Variants in SETD3 observed in about 807,000 individuals in gnomAD.
SETD3 encodes the protein actin-histidine N-methyltransferase.
A neutral mutation model predicts 63.0 loss-of-function variants in SETD3; 19 were observed. That is an observed-to-expected ratio of 0.30 (90% CI 0.21 to 0.44). The LOEUF is 0.44. Among genes scored for constraint, SETD3 ranks in the 20% least tolerant of loss-of-function variants. SETD3 has a pLI of 1.00. For missense variants in SETD3, 587 were observed against 728.5 expected (o/e 0.81, Z 2.24); for synonymous variants, 286 against 264.1 (o/e 1.08, Z -0.80).
intron 6 of SETD3, among the ~76,000 whole-genome samples, chr14:99,438,415 G>A (rs1205960753): frequency 2.0e-5 from 3 of 152,170 alleles, no homozygotes; most frequent in African/African-American, 7.2e-5. Context: ...GATTACCTGT[G>A]GTGTGTCTCT....
chr14:99,438,022 C>T (rs1042962333), intron 6 of SETD3, among the ~76,000 whole-genome samples: 2 of 152,196 alleles, frequency 1.3e-5, no homozygotes, highest in African/African-American at 4.8e-5. Context: ...GACTTCAAAG[C>T]CGATGGCAGC....
At chr14:99,452,305 C>T (rs971808686) in intron 6 of SETD3, among the ~76,000 whole-genome samples, 1 of 152,212 alleles carries the variant, frequency 6.6e-6, no homozygotes, top group African/African-American at 2.4e-5. Context: ...CGAGGTTTCA[C>T]CATGTTGGCC....
At chr14:99,422,927 T>G (rs1211281943) in intron 6 of SETD3, among the ~76,000 whole-genome samples, 1 of 152,228 alleles carries the variant, frequency 6.6e-6, no homozygotes, top group Non-Finnish European at 1.5e-5. Flanking sequence ...AGAGGGTTTG[T>G]GGACACCAGC....
chr14:99,464,338 C>A (rs1025834180), intron 2 of SETD3, among the ~76,000 whole-genome samples: 1 of 152,228 alleles, frequency 6.6e-6, no homozygotes, highest in African/African-American at 2.4e-5. Flanking sequence ...CCTTTGCTCT[C>A]TATTAAAAGA....
At chr14:99,478,816 T>C (rs928116490) in intron 1 of SETD3, 2 of 152,222 alleles carry the variant, frequency 1.3e-5, no homozygotes, top group Non-Finnish European at 2.9e-5. Context: ...TGTGACCGTT[T>C]ATCAGAACTC....
chr14:99,403,252 C>T lies in SETD3; in HGVS notation c.1177+973G>A, dbSNP rs139482804. On this transcript the variant is annotated intron_variant, in intron 11 of 12. Transcript: ENST00000331768. ...AGACATTAAAACCAAAGCCAGTGAC[C>T]GCCGAGCACAGCAGCTTCCCCCACA... Among the ~76,000 whole-genome samples, 1,171 of 152,224 alleles carry T rather than the reference C, an allele frequency of 7.7e-3. 15 individuals are homozygous for T. Among genetic ancestry groups the T allele is most frequent in the African/African-American group, 0.027 (1,109 of 41,526 alleles).
Position 99,403,449 on chromosome 14 carries a change from A to T in SETD3, c.1177+776T>A, listed in dbSNP as rs1401170061. Among the ~76,000 whole-genome samples the T allele has an allele frequency of 1.5e-4, 17 of 110,676 alleles. No individual in the cohort carries two copies. The East Asian group carries it at 6.2e-3, about 40-fold the overall frequency. 72.6% of individuals were successfully genotyped at this position (110,676 alleles called of 152,430 possible). A position where few individuals can be genotyped will look rare whatever the true frequency, so the allele number is the denominator to read the frequency against. Reference sequence around the variant, plus strand: ...AAAACATACACACACACACACACACACACACACTCTCTCTCTCTCTCTCTC... The same window carrying T: ...AAAACATACACACACACACACACACTCACACACTCTCTCTCTCTCTCTCTC... On this transcript the variant is annotated intron_variant, in intron 11 of 12. Transcript: ENST00000331768.
Position 99,424,343 on chromosome 14 carries a change from C to T in SETD3, c.676-10409G>A, listed in dbSNP as rs141644370. ...TGGAGATTCAGAAGAGCAGGAAGAA[C>T]GAAGCAGGAACGTGGGGAGGATGAG... On this transcript the variant is annotated intron_variant, in intron 6 of 12. Coordinates refer to ENST00000331768, the MANE Select transcript of SETD3 (RefSeq NM_032233.3). Among the ~76,000 whole-genome samples the T allele has an allele frequency of 1.4e-3, 209 of 152,176 alleles. 1 individual carries two copies. Among genetic ancestry groups the T allele is most frequent in the African/African-American group, 3.5e-3 (144 of 41,510 alleles).
chr14:99,399,268 G>A (rs962175923), intron 12 of SETD3, 143 bp from the exon 13 acceptor site: 22 of 633,088 alleles, frequency 3.5e-5, no homozygotes, highest in South Asian at 1.2e-4. Context: ...GCAGGTGGTC[G>A]CATGACCAGA....
upstream of SETD3, among the ~76,000 whole-genome samples, chr14:99,484,018 C>T (rs1365688802): frequency 6.6e-6 from 1 of 152,168 alleles, no homozygotes; most frequent in Non-Finnish European, 1.5e-5. Context: ...TATAAATTTA[C>T]TAGGTGAGAT....
intron 6 of SETD3, chr14:99,444,528 G>A (rs1894019453): frequency 6.6e-6 from 1 of 152,140 alleles, no homozygotes; most frequent in South Asian, 2.1e-4. Context: ...TGATGGATAT[G>A]CTAATTATCC....
chr14:99,409,932 T>C, intron 8 of SETD3: 1 of 354,396 alleles, frequency 2.8e-6, no homozygotes, highest in East Asian at 4.6e-5. Context: ...AAACAGACCC[T>C]CCCCCAAAAT....
At chr14:99,411,786 C>T (rs1200367710) in intron 8 of SETD3, 1 of 152,082 alleles carries the variant, frequency 6.6e-6, no homozygotes, top group African/African-American at 2.4e-5. Context: ...ATAAAACATG[C>T]TATTATGTTT....
At chr14:99,410,212 G>C (rs764276535) in intron 8 of SETD3, 4 of 1,613,752 alleles carry the variant, frequency 2.5e-6, no homozygotes, top group Middle Eastern at 1.7e-4. Flanking sequence ...GAATCTTCTG[G>C]TGTCTGAAGA....
chr14:99,431,076 C>T (rs1294227487), intron 6 of SETD3, among the ~76,000 whole-genome samples: 1 of 152,192 alleles, frequency 6.6e-6, no homozygotes, highest in African/African-American at 2.4e-5. Context: ...AAAAGCCCTG[C>T]CCCAGGTCAT....
rs374255226 is a variant in SETD3 at position 99,453,601 on chromosome 14, G to C, written c.675+4678C>G. 2.0e-4 allele frequency among the ~76,000 whole-genome samples: 30 copies of C among 152,224 alleles called. No individual in the cohort carries two copies. In the East Asian group the frequency reaches 4.6e-3, roughly 24 times the overall value. ...GCACTTTGGGAGGCCGAGGTGGGTG[G>C]ATCACCAGAGATCAGGAGTTCGAGA... On this transcript the variant is annotated intron_variant, in intron 6 of 12. Transcript: ENST00000331768.
At chr14:99,459,363 A>C (rs1449787467) in intron 4 of SETD3, among the ~76,000 whole-genome samples, 178 bp from the exon 5 acceptor site, 1 of 152,248 alleles carries the variant, frequency 6.6e-6, no homozygotes, top group South Asian at 2.1e-4. Context: ...TAGTTAAATG[A>C]GTAGAAGTAT....
At chr14:99,447,955 C>A (rs1278055888) in intron 6 of SETD3, among the ~76,000 whole-genome samples, 1 of 152,294 alleles carries the variant, frequency 6.6e-6, no homozygotes, top group South Asian at 2.1e-4. Flanking sequence ...GTCAGCAGGG[C>A]CACACCCAGC....
intron 6 of SETD3, among the ~76,000 whole-genome samples, chr14:99,453,090 A>G (rs1894555107): frequency 6.6e-6 from 1 of 152,190 alleles, no homozygotes; most frequent in Non-Finnish European, 1.5e-5. Context: ...GTAATGGAAT[A>G]TGAACTGGGA....
Sources: gnomAD v4.1 joint callset for allele counts (sites outside exome capture counted in the v4.1 genomes callset) on GRCh38, gnomAD v4.1.1 for gene constraint, MANE v1.5 for transcripts, NCBI Gene and HGNC (gene_info 2026-07-23, HGNC 2026-07-21) for gene names.